TNRC18: variants seen among roughly 807,000 people sequenced by gnomAD.
TNRC18 encodes trinucleotide repeat containing 18, also known as trinucleotide repeat-containing gene 18 protein.
In TNRC18, 69 loss-of-function variants were observed where a neutral mutation model predicts 226.7. The ratio of observed to expected loss-of-function variants is 0.30; its 90% CI spans 0.25 to 0.37. The LOEUF is 0.37. Among genes scored for constraint, TNRC18 ranks in the 10% least tolerant of loss-of-function variants. TNRC18 has a pLI of 1.00. For synonymous variants in TNRC18, 2,449 were observed against 1,927.6 expected (o/e 1.27, Z -7.09); for missense variants, 4,754 against 4,256.6 (o/e 1.12, Z -3.25).
chr7:5,329,782 TAGCTTC>T (rs1374706966), intron 19 of TNRC18, among the ~76,000 whole-genome samples: 2 of 4,394 alleles, frequency 4.6e-4, no homozygotes, highest in African/African-American at 9.2e-4. Context: ...GACGTAGCTT[TAGCTTC>T]AGTTCTGGCT....
intron 14 of TNRC18, among the ~76,000 whole-genome samples, chr7:5,359,820 C>T (rs564910893): frequency 2.1e-5 from 3 of 140,286 alleles, no homozygotes; most frequent in East Asian, 2.0e-4. Context: ...CGCTTTTACG[C>T]GTACACTCAC....
At chr7:5,385,647 GCACTCCAGC>G (rs1236685683) in intron 5 of TNRC18, among the ~76,000 whole-genome samples, 1 of 151,014 alleles carries the variant, frequency 6.6e-6, no homozygotes, top group Non-Finnish European at 1.5e-5. Flanking sequence ...TCATACCACT[GCACTCCAGC>G]GTGGTGACAG....
chr7:5,377,843 C>A lies in TNRC18; in HGVS notation c.2255+79G>T. 7.0e-7 allele frequency: 1 copy of A among 1,419,098 alleles called. No homozygotes were observed. Among genetic ancestry groups the A allele is most frequent in the South Asian group, 1.2e-5 (1 of 83,920 alleles). The allele number at this position is 1,419,098 out of a possible 1,614,324, so 87.9% of individuals were successfully genotyped here. A position where few individuals can be genotyped will look rare whatever the true frequency, so the allele number is the denominator to read the frequency against. On this transcript the variant is annotated intron_variant, in intron 6 of 29. Coordinates refer to ENST00000430969, the MANE Select transcript of TNRC18 (RefSeq NM_001080495.3). This position sits in a 1 kb window ranked among gnomAD's most constrained non-coding sequence, Gnocchi z 5.8. Reference sequence around the variant, plus strand: ...TCCATGGTCGAGGGGCCAAGCCCACCTGGGGTCATCCAGCTGCCCCTCACC... The same window carrying A: ...TCCATGGTCGAGGGGCCAAGCCCACATGGGGTCATCCAGCTGCCCCTCACC...
Position 5,308,848 on chromosome 7 carries a change from C to CCCACCA in TNRC18, c.8700+21_8700+26dup, listed in dbSNP as rs554158550. On this transcript the variant is annotated intron_variant, in intron 29 of 29. Coordinates refer to ENST00000430969, the MANE Select transcript of TNRC18 (RefSeq NM_001080495.3). Reference sequence around the variant, plus strand: ...GAAGGAAGCAGCCATCCCCAACCCGCCCACCACCACCACCACCACCACCTA... The same window carrying CCCACCA: ...GAAGGAAGCAGCCATCCCCAACCCGCCCACCACCACCACCACCACCACCACCACCTA... 1.3e-3 allele frequency: 1,742 copies of CCCACCA among 1,376,672 alleles called. 1 individual carries two copies. Among genetic ancestry groups the CCCACCA allele is most frequent in the African/African-American group, 2.7e-3 (188 of 69,054 alleles). The allele number at this position is 1,376,672 out of a possible 1,614,324, so 85.3% of individuals were successfully genotyped here. A position where few individuals can be genotyped will look rare whatever the true frequency, so the allele number is the denominator to read the frequency against.
At chr7:5,337,285 A>G (rs1790215708) in intron 18 of TNRC18, among the ~76,000 whole-genome samples, 1 of 152,126 alleles carries the variant, frequency 6.6e-6, no homozygotes, top group Non-Finnish European at 1.5e-5. Flanking sequence ...TAAAAACAAC[A>G]CTGAAGAATG....
intron 17 of TNRC18, 41 bp downstream of exon 17, chr7:5,351,778 C>A (rs781003543): frequency 1.8e-4 from 278 of 1,526,114 alleles, no homozygotes; most frequent in Non-Finnish European, 4.1e-5. Flanking sequence ...CACTCTCTCG[C>A]TAGGAAACAC....
chr7:5,345,456 G>T (rs923260882), intron 18 of TNRC18, 106 bp downstream of exon 18: 49 of 1,175,268 alleles, frequency 4.2e-5, no homozygotes, highest in Non-Finnish European at 5.8e-5. Flanking sequence ...CCCATTCCCA[G>T]CTCTGCACCT....
chr7:5,346,723 G>A (rs181712648), intron 17 of TNRC18, among the ~76,000 whole-genome samples: 1 of 152,152 alleles, frequency 6.6e-6, no homozygotes, highest in Admixed American at 6.5e-5. Context: ...GCAAGTCCTC[G>A]GCCCTCTCTG....
At chr7:5,393,506 G>T (rs1222230877) in intron 3 of TNRC18, among the ~76,000 whole-genome samples, 1 of 152,236 alleles carries the variant, frequency 6.6e-6, no homozygotes, top group Non-Finnish European at 1.5e-5. Flanking sequence ...GCAGGAGGAA[G>T]TGGAGGGAGA....
In TNRC18 at chr7:5,309,321, G is replaced by A. The variant is rs373632122; in HGVS notation, c.8436C>T (p.Ile2812=). 72 of 1,613,862 alleles carry A rather than the reference G, an allele frequency of 4.5e-5. No homozygotes were observed. The highest frequency in any genetic ancestry group is 3.4e-4 in the South Asian group (31 of 91,068). The change falls in exon 28 of 30, where the codon ATC becomes ATT. Residue 2812 remains isoleucine, a synonymous_variant. Coordinates refer to ENST00000430969, the MANE Select transcript of TNRC18 (RefSeq NM_001080495.3). This position sits in a 1 kb window ranked among gnomAD's most constrained non-coding sequence, Gnocchi z 5.7. Reference sequence around the variant, plus strand: ...TACGGATCATCTCCTTGCCGCGCACGATGGCCTTGTAGAAGAGCTTGCGGG... The same window carrying A: ...TACGGATCATCTCCTTGCCGCGCACAATGGCCTTGTAGAAGAGCTTGCGGG... ...GKARKLFYKA[I]VRGKEMIRIG... is the part of the protein sequence containing the mutation.
chr7:5,375,271 T>G (rs1794546677), intron 9 of TNRC18, among the ~76,000 whole-genome samples: 2 of 152,114 alleles, frequency 1.3e-5, no homozygotes, highest in Admixed American at 1.3e-4. Context: ...ATAGTACCAC[T>G]GCACTCCAGC....
At chr7:5,416,305 C>A (rs1407246731) in intron 2 of TNRC18, among the ~76,000 whole-genome samples, 2 of 151,538 alleles carry the variant, frequency 1.3e-5, no homozygotes, top group East Asian at 3.9e-4. Flanking sequence ...GTCCCAGCTA[C>A]TCGGGAGGCT....
chr7:5,411,700 C>A (rs1026399455), intron 2 of TNRC18, among the ~76,000 whole-genome samples: 3 of 151,754 alleles, frequency 2.0e-5, no homozygotes, highest in South Asian at 2.1e-4. Flanking sequence ...AAACAGGAAA[C>A]GGGAAGGCAA....
intron 15 of TNRC18, among the ~76,000 whole-genome samples, chr7:5,357,745 TCC>T (rs771039668): frequency 9.9e-5 from 15 of 152,190 alleles, no homozygotes; most frequent in Non-Finnish European, 1.5e-4. Flanking sequence ...CACCTCAGCC[TCC>T]CAAACTGTTG....
Position 5,332,687 on chromosome 7 carries a change from T to C in TNRC18, c.6082A>G (p.Lys2028Glu). 3 of 1,530,346 alleles carry C rather than the reference T, an allele frequency of 2.0e-6. No homozygotes were observed. The highest frequency in any genetic ancestry group is 2.6e-6 in the Non-Finnish European group (3 of 1,141,698). 94.8% of individuals were successfully genotyped at this position (1,530,346 alleles called of 1,614,324 possible). The change falls in exon 19 of 30, where the codon AAG becomes GAG. Residue 2028 changes from lysine to glutamate, a missense_variant. Coordinates refer to ENST00000430969, the MANE Select transcript of TNRC18 (RefSeq NM_001080495.3). ...APATKTSRCA[K>E]GGPLSPRKDA... ...TTGCGCGGGCTCAGGGGGCCGCCCT[T>C]GGCGCAGCGGCTGGTCTTGGTGGCG...
Position 5,375,809 on chromosome 7 carries a change from T to A in TNRC18, c.2799+225A>T, listed in dbSNP as rs370468134. The stretch of plus-strand genomic sequence containing the variant: ...GCTCCTGCACCCTGCCCTGCCAATC[T>A]CCATCTGCCTCTGCTCACAGCTCCC... On this transcript the variant is annotated intron_variant, in intron 9 of 29. Transcript: ENST00000430969. Among the ~76,000 whole-genome samples, 64 of 152,230 alleles carry A rather than the reference T, an allele frequency of 4.2e-4. No individual in the cohort carries two copies. The East Asian group carries it at 6.6e-3, about 16-fold the overall frequency.
In TNRC18 at chr7:5,363,473, G is replaced by C. The variant is rs554566297; in HGVS notation, c.4220-648C>G. ...AAAAAAATTAGCCGGGTGTGGTGGCGGGCGCCTGTAGCCCCAGCTACTCGG... is the reference window on the plus strand; with the variant it reads ...AAAAAAATTAGCCGGGTGTGGTGGCCGGCGCCTGTAGCCCCAGCTACTCGG... On this transcript the variant is annotated intron_variant, in intron 11 of 29. Coordinates refer to ENST00000430969, the MANE Select transcript of TNRC18 (RefSeq NM_001080495.3). Among the ~76,000 whole-genome samples the C allele has an allele frequency of 1.7e-4, 26 of 151,500 alleles. No individual in the cohort carries two copies. In the South Asian group the frequency reaches 5.0e-3, roughly 29 times the overall value.
Position 5,359,413 on chromosome 7 carries a change from C to A in TNRC18, c.4818G>T (p.Ser1606=). The change falls in exon 15 of 30, where the codon TCG becomes TCT. Residue 1606 remains serine, a synonymous_variant. Coordinates refer to ENST00000430969, the MANE Select transcript of TNRC18 (RefSeq NM_001080495.3). ...GGTTACTCACCTGACTGATGAAGTC[C>A]GACGAGGCCTCATGTTCATCCCAAG... ...NQTWDEHEAS[S]DFISQLKIKK... 1 of 1,613,806 alleles carries A rather than the reference C, an allele frequency of 6.2e-7. No individual in the cohort carries two copies. Among genetic ancestry groups the A allele is most frequent in the Admixed American group, 1.7e-5 (1 of 59,998 alleles).
chr7:5,357,286 G>A lies in TNRC18; in HGVS notation c.4834-10C>T, dbSNP rs1483241642. 1.2e-6 allele frequency: 2 copies of A among 1,605,700 alleles called. No homozygotes were observed. Among genetic ancestry groups the A allele is most frequent in the East Asian group, 2.2e-5 (1 of 44,746 alleles). On this transcript the variant is annotated splice_polypyrimidine_tract_variant and intron_variant, in intron 15 of 29. Transcript: ENST00000430969. The stretch of plus-strand genomic sequence containing the variant: ...TCTTCTTAATCTTTAGCTGGAGAGG[G>A]AAGGTGGGTCATGGGTTAAAAGATC...
Sources: gnomAD v4.1 joint callset for allele counts (sites outside exome capture counted in the v4.1 genomes callset) on GRCh38, gnomAD v4.1.1 for gene constraint, Gnocchi (gnomAD v3.1) non-coding constraint, MANE v1.5 for transcripts, NCBI Gene and HGNC (gene_info 2026-07-23, HGNC 2026-07-21) for gene names.